CDK8: variants seen among roughly 807,000 people sequenced by gnomAD.
The protein encoded by CDK8 is cyclin dependent kinase 8, also known as cyclin-dependent kinase 8.
In CDK8, 29 loss-of-function variants were observed where a neutral mutation model predicts 71.5. That is an observed-to-expected ratio of 0.41 (90% CI 0.30 to 0.55). The LOEUF (loss-of-function observed/expected upper bound fraction) is 0.55, where lower values mean the gene tolerates loss of function less well. Among genes scored for constraint, CDK8 ranks in the 20% least tolerant of loss-of-function variants. The pLI is 0.37. For synonymous variants in CDK8, 161 were observed against 192.1 expected (o/e 0.84, Z 1.34); for missense variants, 288 against 572.6 (o/e 0.50, Z 5.07).
At chr13:26,400,589 A>G (rs1490459205) in intron 10 of CDK8, 39 bp downstream of exon 10, 2 of 1,193,792 alleles carry the variant, frequency 1.7e-6, no homozygotes, top group Non-Finnish European at 2.5e-6. Context: ...GCATGATGGA[A>G]GTTTTGGAGT....
chr13:26,266,780 CTG>C (rs1315351992), intron 1 of CDK8, among the ~76,000 whole-genome samples: 2 of 152,162 alleles, frequency 1.3e-5, no homozygotes, highest in Non-Finnish European at 2.9e-5. Flanking sequence ...TCTCTGCTGG[CTG>C]TGTTACTGAA....
intron 4 of CDK8, among the ~76,000 whole-genome samples, chr13:26,372,026 T>C (rs1345919467): frequency 6.6e-6 from 1 of 152,150 alleles, no homozygotes; most frequent in Admixed American, 6.5e-5. Flanking sequence ...CATTTAGGGA[T>C]ATATAAGAGA....
rs1269216424 is a variant in CDK8, at chr13:26,385,399, C to A, written c.646+57C>A. On this transcript the variant is annotated intron_variant, in intron 6 of 12. Transcript: ENST00000381527. ...TTTAAAAGTTTCTTTAAAAGACACA[C>A]ATTCCTATATATTTTTAAATTAAGT... 4.4e-6 allele frequency: 6 copies of A among 1,376,532 alleles called. No individual in the cohort carries two copies. In the African/African-American group the frequency reaches 5.9e-5, roughly 14 times the overall value. The allele number at this position is 1,376,532 out of a possible 1,614,324, so 85.3% of individuals were successfully genotyped here. A position where few individuals can be genotyped will look rare whatever the true frequency, so the allele number is the denominator to read the frequency against.
chr13:26,401,225 T>C lies in CDK8; in HGVS notation c.1032-44T>C, dbSNP rs749304462. On this transcript the variant is annotated intron_variant, in intron 10 of 12. Transcript: ENST00000381527. This position sits in a 1 kb window ranked among gnomAD's most constrained non-coding sequence, Gnocchi z 4.5. ...TCTCCTAAATGAAGCATTTGGAATA[T>C]TGATTAGTATACCAGAAATGGTTTT... is the stretch of plus-strand genomic sequence containing the variant. 1 of 1,387,550 alleles carries C rather than the reference T, an allele frequency of 7.2e-7. No individual in the cohort carries two copies. The highest frequency in any genetic ancestry group is 2.3e-5 in the East Asian group (1 of 43,826). The allele number at this position is 1,387,550 out of a possible 1,614,324, so 86.0% of individuals were successfully genotyped here. A position where few individuals can be genotyped will look rare whatever the true frequency, so the allele number is the denominator to read the frequency against.
At chr13:26,394,722 T>A (rs1875904222) in intron 7 of CDK8, among the ~76,000 whole-genome samples, 1 of 152,026 alleles carries the variant, frequency 6.6e-6, no homozygotes, top group Non-Finnish European at 1.5e-5. Context: ...GAGGTTAGGG[T>A]GGTTTATAAG....
At chr13:26,350,688 C>T (rs886411000) in intron 3 of CDK8, among the ~76,000 whole-genome samples, 3 of 152,122 alleles carry the variant, frequency 2.0e-5, no homozygotes, top group Non-Finnish European at 2.9e-5. Context: ...CCACCTCGGC[C>T]TCCCAAAGTG....
chr13:26,327,579 G>T (rs1364478161), intron 1 of CDK8, among the ~76,000 whole-genome samples: 5 of 152,042 alleles, frequency 3.3e-5, no homozygotes, highest in African/African-American at 1.2e-4. Flanking sequence ...CTGTAATCCC[G>T]GAACTTTGGG....
intron 1 of CDK8, among the ~76,000 whole-genome samples, chr13:26,283,771 G>A (rs1385363034): frequency 2.0e-5 from 3 of 151,948 alleles, no homozygotes; most frequent in East Asian, 1.9e-4. Flanking sequence ...GGTGGCGTGC[G>A]CCTATAGTCC....
intron 2 of CDK8, among the ~76,000 whole-genome samples, chr13:26,347,463 A>G (rs556718692): frequency 6.6e-6 from 1 of 152,312 alleles, no homozygotes; most frequent in Non-Finnish European, 1.5e-5. Flanking sequence ...ATTTGTTTCA[A>G]GTTCAATTGT....
At position 26,254,546 on chromosome 13, in the gene CDK8, C is replaced by A; in HGVS notation, c.-96C>A. On this transcript the variant is annotated 5_prime_UTR_variant, in exon 1 of 13. Coordinates refer to ENST00000381527, the MANE Select transcript of CDK8 (RefSeq NM_001260.3). This position sits in a 1 kb window ranked among gnomAD's most constrained non-coding sequence, Gnocchi z 6.7. ...CTGCGGCCGGCGGGCGTAGAGCGGG[C>A]GGGTTCCCGGGGGCTGCGGCTGCCC... The A allele has an allele frequency of 1.9e-6, 2 of 1,066,976 alleles. No individual in the cohort carries two copies. Among genetic ancestry groups the A allele is most frequent in the South Asian group, 1.6e-5 (1 of 63,794 alleles). The allele number at this position is 1,066,976 out of a possible 1,614,324, so 66.1% of individuals were successfully genotyped here. A position where few individuals can be genotyped will look rare whatever the true frequency, so the allele number is the denominator to read the frequency against.
intron 1 of CDK8, among the ~76,000 whole-genome samples, chr13:26,294,155 G>A (rs1325429050): frequency 6.6e-6 from 1 of 151,316 alleles, no homozygotes; most frequent in Non-Finnish European, 1.5e-5. Context: ...CTTCAGAGGT[G>A]GGATCTTGCT....
chr13:26,273,368 A>G lies in CDK8; in HGVS notation c.128+18599A>G, dbSNP rs188734415. 4.6e-3 allele frequency among the ~76,000 whole-genome samples: 693 copies of G among 152,272 alleles called. 3 individuals carry two copies. The highest frequency in any genetic ancestry group is 5.7e-3 in the Non-Finnish European group (389 of 67,996). On this transcript the variant is annotated intron_variant, in intron 1 of 12. Transcript: ENST00000381527. ...GACTTTTTTGTAGTTCATGAAGTTTAAACACTACATCTGGTATTATTTTTC... is the reference window on the plus strand; with the variant it reads ...GACTTTTTTGTAGTTCATGAAGTTTGAACACTACATCTGGTATTATTTTTC...
chr13:26,314,556 G>C (rs1312657513), intron 1 of CDK8, among the ~76,000 whole-genome samples: 1 of 152,156 alleles, frequency 6.6e-6, no homozygotes, highest in Non-Finnish European at 1.5e-5. Flanking sequence ...CATTCATGCA[G>C]GTGTTTTCAT....
intron 6 of CDK8, among the ~76,000 whole-genome samples, chr13:26,392,084 T>C (rs919145364): frequency 6.6e-6 from 1 of 152,204 alleles, no homozygotes; most frequent in African/African-American, 2.4e-5. Context: ...GTGTTGAGGG[T>C]CTGCTATATG....
intron 4 of CDK8, among the ~76,000 whole-genome samples, chr13:26,357,898 T>A (rs1873961681): frequency 6.6e-6 from 1 of 152,174 alleles, no homozygotes; most frequent in Non-Finnish European, 1.5e-5. Flanking sequence ...TTACTCAAAG[T>A]CCACTGATTT....
chr13:26,296,335 C>T (rs1267417578), intron 1 of CDK8, among the ~76,000 whole-genome samples: 2 of 152,150 alleles, frequency 1.3e-5, no homozygotes, highest in Non-Finnish European at 2.9e-5. Flanking sequence ...GGACAAAGGG[C>T]TCTTTGGTTA....
intron 4 of CDK8, among the ~76,000 whole-genome samples, chr13:26,368,748 T>C (rs895806467): frequency 6.6e-6 from 1 of 152,236 alleles, no homozygotes; most frequent in Non-Finnish European, 1.5e-5. Flanking sequence ...TAGTTAAAGG[T>C]AAAAGATGTT....
At chr13:26,278,806 C>G (rs949668645) in intron 1 of CDK8, among the ~76,000 whole-genome samples, 3 of 151,818 alleles carry the variant, frequency 2.0e-5, no homozygotes, top group African/African-American at 7.3e-5. Context: ...GCAGGTTAAG[C>G]CAACCACAGA....
At chr13:26,258,948 A>G (rs536973333) in intron 1 of CDK8, among the ~76,000 whole-genome samples, 1 of 152,140 alleles carries the variant, frequency 6.6e-6, no homozygotes, top group South Asian at 2.1e-4. Context: ...ATCTCTTAAG[A>G]TATTGAGGAT....
Sources: gnomAD v4.1 joint callset for allele counts (sites outside exome capture counted in the v4.1 genomes callset) on GRCh38, gnomAD v4.1.1 for gene constraint, Gnocchi (gnomAD v3.1) non-coding constraint, MANE v1.5 for transcripts, NCBI Gene and HGNC (gene_info 2026-07-23, HGNC 2026-07-21) for gene names.